Variants in SUGCT observed in about 807,000 individuals in gnomAD.
The protein encoded by SUGCT is succinyl-CoA:glutarate CoA-transferase.
SUGCT carries 41 observed loss-of-function variants against 55.0 expected under a neutral mutation model. The observed-to-expected ratio is 0.74, with a 90% CI of 0.58 to 0.97. SUGCT has a LOEUF of 0.97. SUGCT is among the 50% of genes least tolerant of loss of function. The pLI, the probability that SUGCT is intolerant of heterozygous loss-of-function variation, is 0.00. For missense variants in SUGCT, 568 were observed against 547.8 expected (o/e 1.04, Z -0.37); for synonymous variants, 187 against 200.4 (o/e 0.93, Z 0.56).
rs112722405 is a variant in SUGCT, at chr7:40,180,597, C to G, written c.101-350C>G. ...CTCTGCCTCCTGGGTTCAAGTGATT[C>G]TCCTGCCTCAGCCTCCCGATAATTG... On this transcript the variant is annotated intron_variant, in intron 1 of 13. Coordinates refer to ENST00000335693, the MANE Select transcript of SUGCT (RefSeq NM_001193313.2). Among the ~76,000 whole-genome samples the G allele has an allele frequency of 4.2e-4, 64 of 151,894 alleles. 1 individual carries two copies. Among genetic ancestry groups the G allele is most frequent in the African/African-American group, 1.4e-3 (57 of 41,412 alleles).
At chr7:40,660,678 C>T (rs1562931423) in intron 12 of SUGCT, among the ~76,000 whole-genome samples, 1 of 152,148 alleles carries the variant, frequency 6.6e-6, no homozygotes, top group Non-Finnish European at 1.5e-5. Context: ...GGCGGGCATA[C>T]CTTAGATGTA....
At chr7:40,662,105 T>C (rs1476340799) in intron 12 of SUGCT, among the ~76,000 whole-genome samples, 1 of 152,224 alleles carries the variant, frequency 6.6e-6, no homozygotes, top group Non-Finnish European at 1.5e-5. Context: ...TTTCAGCAAA[T>C]GGTGCCATCA....
intron 6 of SUGCT, among the ~76,000 whole-genome samples, chr7:40,197,756 A>G (rs1233663220): frequency 6.6e-6 from 1 of 152,236 alleles, no homozygotes. Flanking sequence ...GGGAGGAACT[A>G]CAAAGTCACA....
At chr7:40,540,636 C>G (rs1794622531) in intron 12 of SUGCT, among the ~76,000 whole-genome samples, 1 of 152,210 alleles carries the variant, frequency 6.6e-6, no homozygotes, top group Non-Finnish European at 1.5e-5. Context: ...TTTCTTACAC[C>G]AGGCTGTATA....
chr7:40,415,975 T>A (rs950284418), intron 9 of SUGCT, among the ~76,000 whole-genome samples: 1 of 152,098 alleles, frequency 6.6e-6, no homozygotes, highest in Admixed American at 6.5e-5. Context: ...TAACATCATT[T>A]TAACTGATTT....
At chr7:41,025,670 TA>T in the SUGCT span, among the ~76,000 whole-genome samples, 1 of 152,078 alleles carries the variant, frequency 6.6e-6, no homozygotes, top group South Asian at 2.1e-4. Flanking sequence ...AAGAATATTT[TA>T]AAATAAAATA....
chr7:41,007,210 A>T, the SUGCT span, among the ~76,000 whole-genome samples: 20 of 152,270 alleles, frequency 1.3e-4, no homozygotes, highest in East Asian at 3.9e-3. Flanking sequence ...AAGAGTCATC[A>T]TTCAAAAACA....
chr7:40,245,039 T>C (rs2150905454), intron 7 of SUGCT, among the ~76,000 whole-genome samples: 1 of 152,078 alleles, frequency 6.6e-6, no homozygotes, highest in Non-Finnish European at 1.5e-5. Flanking sequence ...AGCAAAATAG[T>C]CTTCCTCTTT....
rs547583869 is a variant in SUGCT at position 40,860,755 on chromosome 7, C to A, written c.*276C>A. On this transcript the variant is annotated 3_prime_UTR_variant, in exon 14 of 14. Coordinates refer to ENST00000335693, the MANE Select transcript of SUGCT (RefSeq NM_001193313.2). ...TAAAAATAAAGTTTTAATTTTTTTC[C>A]TGGAAAAATGCACTCCTTATTCTAC... The A allele has an allele frequency of 2.1e-5, 6 of 281,228 alleles. No homozygotes were observed. Among genetic ancestry groups the A allele is most frequent in the Non-Finnish European group, 3.9e-5 (6 of 153,046 alleles). The allele number at this position is 281,228 out of a possible 1,614,324, so 17.4% of individuals were successfully genotyped here. A position where few individuals can be genotyped will look rare whatever the true frequency, so the allele number is the denominator to read the frequency against.
chr7:40,692,452 C>T (rs1316413168), intron 12 of SUGCT, among the ~76,000 whole-genome samples: 1 of 152,174 alleles, frequency 6.6e-6, no homozygotes, highest in Non-Finnish European at 1.5e-5. Flanking sequence ...GAAAGCTTGA[C>T]AGTCCTGATT....
intron 11 of SUGCT, among the ~76,000 whole-genome samples, chr7:40,486,941 C>G (rs1212364406): frequency 2.0e-5 from 3 of 151,820 alleles, no homozygotes; most frequent in African/African-American, 7.3e-5. Context: ...TCCCAGGCTG[C>G]TCTTAACTCT....
intron 13 of SUGCT, among the ~76,000 whole-genome samples, chr7:40,836,284 C>T (rs1471190084): frequency 6.6e-6 from 1 of 152,050 alleles, no homozygotes; most frequent in Non-Finnish European, 1.5e-5. Flanking sequence ...TTTTTGTTGT[C>T]TTTTCATAGC....
chr7:40,933,945 C>T, the SUGCT span, among the ~76,000 whole-genome samples: 1 of 152,188 alleles, frequency 6.6e-6, no homozygotes, highest in East Asian at 1.9e-4. Flanking sequence ...CTCAACTCAT[C>T]AAAGTCATTC....
intron 12 of SUGCT, among the ~76,000 whole-genome samples, chr7:40,517,059 A>G (rs1478980672): frequency 6.6e-6 from 1 of 152,044 alleles, no homozygotes; most frequent in Non-Finnish European, 1.5e-5. Flanking sequence ...AGTTAAATTT[A>G]TACCTGAGTA....
chr7:40,273,338 A>G (rs1792231504), intron 7 of SUGCT, among the ~76,000 whole-genome samples: 1 of 152,222 alleles, frequency 6.6e-6, no homozygotes, highest in Admixed American at 6.5e-5. Flanking sequence ...CAAAAAAAGG[A>G]CAAATTAACT....
At chr7:40,602,734 C>A (rs1223836194) in intron 12 of SUGCT, among the ~76,000 whole-genome samples, 1 of 152,170 alleles carries the variant, frequency 6.6e-6, no homozygotes, top group Non-Finnish European at 1.5e-5. Flanking sequence ...GGAACTGTTT[C>A]CTTCCCTTCT....
chr7:40,744,078 C>A (rs1335409755), intron 12 of SUGCT, among the ~76,000 whole-genome samples: 2 of 151,714 alleles, frequency 1.3e-5, no homozygotes, highest in African/African-American at 4.8e-5. Flanking sequence ...CACACCACCA[C>A]ACCTGGCTAA....
chr7:40,662,596 A>AT (rs1316090664), intron 12 of SUGCT, among the ~76,000 whole-genome samples: 6 of 152,062 alleles, frequency 3.9e-5, no homozygotes, highest in African/African-American at 1.2e-4. Flanking sequence ...GCACATAACT[A>AT]TTTTTTTGAT....
At chr7:40,560,011 G>C (rs1795752153) in intron 12 of SUGCT, among the ~76,000 whole-genome samples, 1 of 152,218 alleles carries the variant, frequency 6.6e-6, no homozygotes, top group Non-Finnish European at 1.5e-5. Flanking sequence ...CAGGTCTTCT[G>C]TTGTGGATCA....
Sources: allele counts gnomAD v4.1 joint callset (sites outside exome capture counted in the v4.1 genomes callset), GRCh38; gene constraint gnomAD v4.1.1; transcripts MANE v1.5; gene names NCBI Gene and HGNC (gene_info 2026-07-23, HGNC 2026-07-21).